The following SAMD5 variants were observed in gnomAD, a reference collection of about 807,000 sequenced individuals.
SAMD5 encodes the protein sterile alpha motif domain containing 5, also known as sterile alpha motif domain-containing protein 5.
Under a neutral mutation model 11.3 loss-of-function variants are expected in SAMD5, and 13 were observed. That is an observed-to-expected ratio of 1.15 (90% CI 0.75 to 1.83). SAMD5 has a LOEUF of 1.83. SAMD5 is among the 40% of genes most tolerant of loss of function. The pLI, the probability that SAMD5 is intolerant of heterozygous loss-of-function variation, is 0.00. For missense variants in SAMD5, 255 were observed against 239.1 expected, an observed-to-expected ratio of 1.07 and a Z score of -0.44; for synonymous variants, 129 against 111.3, an observed-to-expected ratio of 1.16 and a Z score of -1.00.
At chr6:147,681,323 G>A (rs1403193545) in intron 1 of SAMD5, among the ~76,000 whole-genome samples, 1 of 151,986 alleles carries the variant, frequency 6.6e-6, no homozygotes, top group African/African-American at 2.4e-5. Context: ...TCTGCTGTTA[G>A]TTGCATCCAG....
intron 1 of SAMD5, among the ~76,000 whole-genome samples, chr6:147,646,395 T>C (rs545898546): frequency 6.6e-6 from 1 of 152,138 alleles, no homozygotes; most frequent in African/African-American, 2.4e-5. Context: ...TATTCAATCC[T>C]TCTTGACCTG....
intron 1 of SAMD5, among the ~76,000 whole-genome samples, chr6:147,625,850 C>T (rs544356644): frequency 1.5e-3 from 234 of 152,298 alleles, no homozygotes; most frequent in African/African-American, 5.4e-3. Flanking sequence ...GTGGTAACTC[C>T]GCATCCAGTC....
rs145248645 is a variant in SAMD5, at chr6:147,519,889, A to C, written c.459+10502A>C. Among the ~76,000 whole-genome samples, 803 of 152,326 alleles carry C rather than the reference A, an allele frequency of 5.3e-3. 1 individual carries two copies. The highest frequency in any genetic ancestry group is 8.1e-3 in the Non-Finnish European group (548 of 68,030). ...GTGTTTAACACTGACATTGTTTAAA[A>C]TTGTCAGCAGGACATTTTCATAATA... On this transcript the variant is annotated intron_variant, in intron 1 of 1. Coordinates refer to ENST00000367474, the MANE Select transcript of SAMD5 (RefSeq NM_001030060.3).
the SAMD5 span, among the ~76,000 whole-genome samples, chr6:147,770,254 ATT>A: frequency 2.0e-4 from 31 of 151,784 alleles, no homozygotes; most frequent in Admixed American, 4.6e-4. Context: ...CTGTACTTTA[ATT>A]TTTTTTAAAA....
In SAMD5 at chr6:147,569,187, C is replaced by T; in HGVS notation, c.*4731C>T. 4.4e-6 allele frequency: 1 copy of T among 226,482 alleles called. No homozygotes were observed. The highest frequency in any genetic ancestry group is 7.2e-6 in the Non-Finnish European group (1 of 138,612). The allele number at this position is 226,482 out of a possible 1,614,324, so 14.0% of individuals were successfully genotyped here. Reference sequence around the variant, plus strand: ...AGTGAGCTGAGATCGCGCCAGTGCGCTCCAGCCTGGGCAACAGAGTGAGAC... The same window carrying T: ...AGTGAGCTGAGATCGCGCCAGTGCGTTCCAGCCTGGGCAACAGAGTGAGAC... On this transcript the variant is annotated 3_prime_UTR_variant, in exon 2 of 2. Transcript: ENST00000367474.
chr6:147,776,335 G>A, the SAMD5 span, among the ~76,000 whole-genome samples: 18,111 of 152,162 alleles, frequency 0.12, 1,185 homozygotes, highest in Middle Eastern at 0.16. Flanking sequence ...ACACCTCATA[G>A]TTGGGCCAGT....
the SAMD5 span, among the ~76,000 whole-genome samples, chr6:147,743,769 A>G: frequency 1.3e-5 from 2 of 152,230 alleles, no homozygotes; most frequent in Non-Finnish European, 2.9e-5. Flanking sequence ...TAGGCATTTT[A>G]GTTGTGACTC....
At chr6:147,645,560 T>C (rs983051702) in intron 1 of SAMD5, among the ~76,000 whole-genome samples, 3 of 152,168 alleles carry the variant, frequency 2.0e-5, no homozygotes, top group Admixed American at 1.3e-4. Context: ...GCAAGTTACA[T>C]TGAATTCTAA....
At chr6:147,792,703 T>C in the SAMD5 span, among the ~76,000 whole-genome samples, 1 of 152,156 alleles carries the variant, frequency 6.6e-6, no homozygotes, top group Non-Finnish European at 1.5e-5. Context: ...AAGATGAGCC[T>C]GTAGCATTTT....
the SAMD5 span, among the ~76,000 whole-genome samples, chr6:147,860,471 G>T: frequency 6.6e-6 from 1 of 152,124 alleles, no homozygotes; most frequent in Non-Finnish European, 1.5e-5. Flanking sequence ...CTTTAAACAG[G>T]TCAAATATTT....
intron 1 of SAMD5, among the ~76,000 whole-genome samples, chr6:147,532,458 C>CA (rs1156315139): frequency 3.9e-5 from 6 of 152,118 alleles, no homozygotes; most frequent in Non-Finnish European, 8.8e-5. Flanking sequence ...CAAGTTGCTG[C>CA]AAAAAACATT....
At position 147,509,118 on chromosome 6, in the gene SAMD5, G is replaced by A. The variant is rs1788040227; in HGVS notation, c.190G>A (p.Glu64Lys). Reference sequence around the variant, plus strand: ...CCTGGAGGCCGTGCGCCGGCTGCGGGAGCAGGACGCCAACGCCGCCGGCCT... The same window carrying A: ...CCTGGAGGCCGTGCGCCGGCTGCGGAAGCAGGACGCCAACGCCGCCGGCCT... The part of the protein sequence containing the change: ...RILEAVRRLR[E>K]QDANAAGLYF... Residue 64 changes from glutamate to lysine, a missense_variant, in exon 1 of 2, where the codon GAG becomes AAG. Transcript: ENST00000367474. 1 of 1,578,616 alleles carries A rather than the reference G, an allele frequency of 6.3e-7. No homozygotes were observed. Among genetic ancestry groups the A allele is most frequent in the Non-Finnish European group, 8.6e-7 (1 of 1,164,648 alleles).
the SAMD5 span, among the ~76,000 whole-genome samples, chr6:147,856,070 G>A: frequency 1.3e-5 from 2 of 152,116 alleles, no homozygotes; most frequent in South Asian, 2.1e-4. Context: ...ATGGTATAGC[G>A]ATACAATGGA....
intron 1 of SAMD5, among the ~76,000 whole-genome samples, chr6:147,633,297 T>C (rs1303491903): frequency 6.6e-6 from 1 of 152,304 alleles, no homozygotes; most frequent in South Asian, 2.1e-4. Context: ...TTTGAAAAGA[T>C]GAAAAATTCC....
At chr6:147,531,522 G>A (rs997681104) in intron 1 of SAMD5, among the ~76,000 whole-genome samples, 2 of 152,096 alleles carry the variant, frequency 1.3e-5, no homozygotes, top group Admixed American at 6.6e-5. Flanking sequence ...GGTACCTGGC[G>A]GGCACCCAGT....
chr6:147,663,391 T>C (rs541438135), intron 1 of SAMD5, among the ~76,000 whole-genome samples: 1 of 152,234 alleles, frequency 6.6e-6, no homozygotes, highest in East Asian at 1.9e-4. Flanking sequence ...ACCTGGGTGA[T>C]GAAATAATCT....
chr6:147,812,550 AG>A, the SAMD5 span, among the ~76,000 whole-genome samples: 1 of 152,102 alleles, frequency 6.6e-6, no homozygotes, highest in Non-Finnish European at 1.5e-5. Flanking sequence ...TTTTTTAAAA[AG>A]TGGGATCTGT....
chr6:147,904,436 A>G, the SAMD5 span, among the ~76,000 whole-genome samples: 2 of 152,186 alleles, frequency 1.3e-5, no homozygotes, highest in African/African-American at 4.8e-5. Context: ...TCTCTGACGA[A>G]CTTCATGGAA....
chr6:147,629,953 T>C (rs113322654), intron 1 of SAMD5, among the ~76,000 whole-genome samples: 27 of 150,354 alleles, frequency 1.8e-4, no homozygotes, highest in African/African-American at 4.4e-4. Context: ...CTTTTCTTTT[T>C]TTTTTTTTTT....
Sources: gnomAD v4.1 joint callset for allele counts (sites outside exome capture counted in the v4.1 genomes callset) on GRCh38, gnomAD v4.1.1 for gene constraint, MANE v1.5 for transcripts, NCBI Gene and HGNC (gene_info 2026-07-23, HGNC 2026-07-21) for gene names.